The following AGMO variants were observed in gnomAD, a reference collection of about 807,000 sequenced individuals.
AGMO encodes alkylglycerol monooxygenase.
AGMO carries 75 observed loss-of-function variants against 60.2 expected under a neutral mutation model. The ratio of observed to expected loss-of-function variants is 1.25; its 90% CI spans 1.03 to 1.51. The LOEUF (loss-of-function observed/expected upper bound fraction) is 1.51, where lower values mean the gene tolerates loss of function less well. AGMO is among the 40% of genes most tolerant of loss of function. AGMO has a pLI of 0.00. For synonymous variants in AGMO, 261 were observed against 177.1 expected, an observed-to-expected ratio of 1.47 and a Z score of -3.76; for missense variants, 763 against 525.5, an observed-to-expected ratio of 1.45 and a Z score of -4.42.
the AGMO span, among the ~76,000 whole-genome samples, chr7:15,165,016 A>T: frequency 6.6e-6 from 1 of 152,196 alleles, no homozygotes; most frequent in Admixed American, 6.5e-5. Flanking sequence ...TTGGATAGAG[A>T]AAATGTGGTA....
intron 12 of AGMO, among the ~76,000 whole-genome samples, chr7:15,275,163 C>T (rs1783743314): frequency 6.6e-6 from 1 of 152,028 alleles, no homozygotes; most frequent in Non-Finnish European, 1.5e-5. Flanking sequence ...ATACTTCTAT[C>T]TTTTTAAGGT....
At chr7:15,256,468 G>C (rs185874770) in intron 12 of AGMO, among the ~76,000 whole-genome samples, 3 of 151,934 alleles carry the variant, frequency 2.0e-5, no homozygotes, top group African/African-American at 7.3e-5. Context: ...TCAGCCTCCC[G>C]AGTAGCTGGG....
At chr7:15,480,443 C>G (rs1405324208) in intron 3 of AGMO, among the ~76,000 whole-genome samples, 1 of 152,022 alleles carries the variant, frequency 6.6e-6, no homozygotes, top group Non-Finnish European at 1.5e-5. Context: ...GCACTAAAAG[C>G]AAGAAGAATA....
At chr7:15,216,031 T>C (rs961316717) in intron 12 of AGMO, among the ~76,000 whole-genome samples, 1 of 152,062 alleles carries the variant, frequency 6.6e-6, no homozygotes, top group Non-Finnish European at 1.5e-5. Flanking sequence ...AAATGAACAG[T>C]ACACTGAGGT....
chr7:15,355,720 A>G (rs975856305), intron 12 of AGMO, among the ~76,000 whole-genome samples: 1 of 152,152 alleles, frequency 6.6e-6, no homozygotes. Flanking sequence ...GGATGGTATA[A>G]TAGTACCATC....
chr7:15,514,878 G>C (rs763159396), intron 3 of AGMO, among the ~76,000 whole-genome samples: 1 of 152,124 alleles, frequency 6.6e-6, no homozygotes, highest in Non-Finnish European at 1.5e-5. Context: ...CCACATCTCT[G>C]TGCTCAAACA....
At chr7:15,123,196 A>G in the AGMO span, among the ~76,000 whole-genome samples, 1 of 152,060 alleles carries the variant, frequency 6.6e-6, no homozygotes. Flanking sequence ...CATCTGCTCA[A>G]TGATCTCTAT....
chr7:15,299,886 C>CAA (rs774065679), intron 12 of AGMO, among the ~76,000 whole-genome samples: 28,169 of 114,250 alleles, frequency 0.25, 4,022 homozygotes, highest in Admixed American at 0.3. Context: ...CACACACACA[C>CAA]AGTATGTTTT....
chr7:15,134,712 T>C, the AGMO span, among the ~76,000 whole-genome samples: 2 of 152,132 alleles, frequency 1.3e-5, no homozygotes, highest in Non-Finnish European at 2.9e-5. Context: ...TTGATGGGCA[T>C]TTACGTTGAC....
intron 6 of AGMO, among the ~76,000 whole-genome samples, chr7:15,392,282 C>G (rs1784175117): frequency 6.7e-6 from 1 of 148,968 alleles, no homozygotes; most frequent in Non-Finnish European, 1.5e-5. Context: ...ACCGTGCTAG[C>G]CAGGATGGTG....
At chr7:15,244,953 G>C (rs866311179) in intron 12 of AGMO, among the ~76,000 whole-genome samples, 1 of 152,086 alleles carries the variant, frequency 6.6e-6, no homozygotes, top group African/African-American at 2.4e-5. Context: ...CGCCCGGCCA[G>C]TATTTACTCA....
chr7:15,514,724 T>C (rs944411728), intron 3 of AGMO, among the ~76,000 whole-genome samples: 3 of 152,166 alleles, frequency 2.0e-5, no homozygotes, highest in African/African-American at 7.2e-5. Flanking sequence ...AAAGTTCTAG[T>C]AGTATACTTT....
At chr7:15,171,422 A>G in the AGMO span, among the ~76,000 whole-genome samples, 1 of 152,216 alleles carries the variant, frequency 6.6e-6, no homozygotes, top group Admixed American at 6.5e-5. Context: ...CTGTCAGTAT[A>G]AAGTATACAC....
chr7:15,291,336 C>T (rs746095548), intron 12 of AGMO, among the ~76,000 whole-genome samples: 31 of 152,148 alleles, frequency 2.0e-4, no homozygotes, highest in Admixed American at 1.1e-3. Flanking sequence ...GGAAACGTTA[C>T]GATTCTATAA....
intron 3 of AGMO, among the ~76,000 whole-genome samples, chr7:15,444,330 A>T (rs1233499837): frequency 6.6e-6 from 1 of 152,074 alleles, no homozygotes; most frequent in Non-Finnish European, 1.5e-5. Context: ...ATATCCAAAC[A>T]TTCCACTTTG....
Position 15,458,273 on chromosome 7 carries a change from C to A in AGMO, c.410-27165G>T, listed in dbSNP as rs576122600. ...AAGATTTTTGTCTTGTAGCAAAAAT[C>A]GGCATTAATAAAATCATGTTTGGAG... On this transcript the variant is annotated intron_variant, in intron 3 of 12. Coordinates refer to ENST00000342526, the MANE Select transcript of AGMO (RefSeq NM_001004320.2). 3.9e-5 allele frequency among the ~76,000 whole-genome samples: 6 copies of A among 152,184 alleles called. No homozygotes were observed. The South Asian group carries it at 1.2e-3, about 32-fold the overall frequency.
the AGMO span, among the ~76,000 whole-genome samples, chr7:15,145,903 A>G: frequency 6.6e-6 from 1 of 152,174 alleles, no homozygotes; most frequent in Non-Finnish European, 1.5e-5. Context: ...GTTTTAAAGT[A>G]TTGTTTATCA....
intron 10 of AGMO, among the ~76,000 whole-genome samples, chr7:15,381,648 C>G (rs1783691795): frequency 6.6e-6 from 1 of 151,990 alleles, no homozygotes; most frequent in African/African-American, 2.4e-5. Flanking sequence ...GAATACTATT[C>G]CACCCAGCAA....
chr7:15,317,993 C>CGT (rs1554412244), intron 12 of AGMO, among the ~76,000 whole-genome samples: 3 of 145,012 alleles, frequency 2.1e-5, no homozygotes, highest in Non-Finnish European at 4.5e-5. Context: ...TATATATACA[C>CGT]GTATATATAT....
Sources: gnomAD v4.1 joint callset for allele counts (sites outside exome capture counted in the v4.1 genomes callset) on GRCh38, gnomAD v4.1.1 for gene constraint, MANE v1.5 for transcripts, NCBI Gene and HGNC (gene_info 2026-07-23, HGNC 2026-07-21) for gene names.